RSBN1L: variants seen among roughly 807,000 people sequenced by gnomAD.
RSBN1L encodes the protein round spermatid basic protein 1 like, also known as lysine-specific demethylase RSBN1L.
RSBN1L carries 30 observed loss-of-function variants against 67.7 expected under a neutral mutation model. That is an observed-to-expected ratio of 0.44 (90% CI 0.33 to 0.60). The LOEUF is 0.60. Among genes scored for constraint, RSBN1L ranks in the 20% least tolerant of loss-of-function variants. The pLI, the probability that RSBN1L is intolerant of heterozygous loss-of-function variation, is 0.02. For missense variants in RSBN1L, 992 were observed against 1,031.7 expected, an observed-to-expected ratio of 0.96 and a Z score of 0.53; for synonymous variants, 433 against 387.0, an observed-to-expected ratio of 1.12 and a Z score of -1.39.
At chr7:77,751,603 A>T (rs571817228) in intron 3 of RSBN1L, among the ~76,000 whole-genome samples, 2 of 152,210 alleles carry the variant, frequency 1.3e-5, no homozygotes, top group Non-Finnish European at 2.9e-5. Context: ...CTGAGGTTAC[A>T]CCTGAATATA....
chr7:77,764,498 A>C (rs1791736953), intron 3 of RSBN1L, among the ~76,000 whole-genome samples: 1 of 152,184 alleles, frequency 6.6e-6, no homozygotes, highest in African/African-American at 2.4e-5. Context: ...TTTCTTCAGC[A>C]ATCTGCTGTA....
At chr7:77,769,018 A>C (rs946348909) in intron 5 of RSBN1L, among the ~76,000 whole-genome samples, 2 of 152,244 alleles carry the variant, frequency 1.3e-5, no homozygotes, top group African/African-American at 4.8e-5. Context: ...AATTGTAATG[A>C]TGGATGGAAA....
At chr7:77,757,208 A>C (rs868332253) in intron 3 of RSBN1L, among the ~76,000 whole-genome samples, 1 of 152,222 alleles carries the variant, frequency 6.6e-6, no homozygotes, top group African/African-American at 2.4e-5. Flanking sequence ...TCATTTTTAC[A>C]TCTGTTCAAC....
intron 1 of RSBN1L, among the ~76,000 whole-genome samples, chr7:77,708,316 T>C (rs1790922460): frequency 6.6e-6 from 1 of 151,936 alleles, no homozygotes; most frequent in Non-Finnish European, 1.5e-5. Flanking sequence ...TTGTACGGAA[T>C]TGGAAGTTAA....
At position 77,736,451 on chromosome 7, in the gene RSBN1L, GAA is replaced by G; in HGVS notation, c.630_631del (p.Glu212LysfsTer5). Reference protein sequence around the residue: ...DKIKERDKEKEREKKKHKVMN... With the variant: ...DKIKERDKEKXREKKKHKVMN... Reference sequence around the variant, plus strand: ...AATTAAAGAGAGAGACAAAGAAAAAGAAAGAGAAAAAAAGAAACATAAAGTAA... The same window carrying G: ...AATTAAAGAGAGAGACAAAGAAAAAGAGAGAAAAAAAGAAACATAAAGTAA... On this transcript the variant is annotated frameshift_variant, in exon 2 of 8. Transcript: ENST00000334955. LOFTEE classifies it high-confidence loss of function. 2 of 1,143,526 alleles carry G rather than the reference GAA, an allele frequency of 1.7e-6. No homozygotes were observed. The highest frequency in any genetic ancestry group is 2.5e-6 in the Non-Finnish European group (2 of 812,438). The allele number at this position is 1,143,526 out of a possible 1,614,324, so 70.8% of individuals were successfully genotyped here. A position where few individuals can be genotyped will look rare whatever the true frequency, so the allele number is the denominator to read the frequency against.
intron 1 of RSBN1L, among the ~76,000 whole-genome samples, chr7:77,717,990 G>C (rs1013746715): frequency 6.6e-6 from 1 of 152,246 alleles, no homozygotes; most frequent in Non-Finnish European, 1.5e-5. Flanking sequence ...CTGCACTCCA[G>C]TCGGGGCGAC....
At chr7:77,733,661 G>A (rs1208989190) in intron 1 of RSBN1L, among the ~76,000 whole-genome samples, 2 of 151,764 alleles carry the variant, frequency 1.3e-5, no homozygotes, top group Non-Finnish European at 2.9e-5. Context: ...AATAATTTGG[G>A]TTATCTTTCA....
chr7:77,702,013 G>A (rs118169586), intron 1 of RSBN1L, among the ~76,000 whole-genome samples: 1,873 of 151,290 alleles, frequency 0.012, 16 homozygotes, highest in Middle Eastern at 0.035. Flanking sequence ...CTGTCGCCCA[G>A]GCTGGAGTGC....
intron 3 of RSBN1L, among the ~76,000 whole-genome samples, chr7:77,760,430 AT>A (rs1301225904): frequency 6.6e-6 from 1 of 151,948 alleles, no homozygotes; most frequent in East Asian, 1.9e-4. Flanking sequence ...GGGGGAGGAG[AT>A]TTAGATTAAA....
At chr7:77,720,094 C>T (rs1469435588) in intron 1 of RSBN1L, among the ~76,000 whole-genome samples, 1 of 152,104 alleles carries the variant, frequency 6.6e-6, no homozygotes, top group East Asian at 1.9e-4. Context: ...TCCTCTTACT[C>T]TTTGTGTGTT....
At chr7:77,774,456 C>T (rs946884084) in intron 6 of RSBN1L, among the ~76,000 whole-genome samples, 17 of 151,974 alleles carry the variant, frequency 1.1e-4, no homozygotes, top group Admixed American at 6.6e-4. Context: ...GGGCCAGGTG[C>T]GGTGGCTCAC....
chr7:77,746,969 C>T (rs375658220), intron 2 of RSBN1L, among the ~76,000 whole-genome samples: 68 of 152,342 alleles, frequency 4.5e-4, no homozygotes, highest in African/African-American at 1.5e-3. Context: ...GTGTAGGGTT[C>T]AGCCCCTGTG....
chr7:77,777,882 T>C (rs187433894), intron 6 of RSBN1L, among the ~76,000 whole-genome samples: 105 of 152,260 alleles, frequency 6.9e-4, no homozygotes, highest in African/African-American at 2.3e-3. Context: ...TCTCTTAATT[T>C]ATAAAGTTAT....
In RSBN1L at chr7:77,717,431, T is replaced by C. The variant is rs11975536; in HGVS notation, c.587-18979T>C. ...ATTGGTAATTGGATATATAATGTTA[T>C]AACAGTGAGAAGCTATACAATTGTA... On this transcript the variant is annotated intron_variant, in intron 1 of 7. Transcript: ENST00000334955. Among the ~76,000 whole-genome samples the C allele has an allele frequency of 5.1e-3, 778 of 152,328 alleles. 3 individuals are homozygous for C. The highest frequency in any genetic ancestry group is 0.016 in the African/African-American group (682 of 41,580).
chr7:77,742,528 C>A (rs571644061), intron 2 of RSBN1L, among the ~76,000 whole-genome samples: 2 of 152,206 alleles, frequency 1.3e-5, no homozygotes, highest in East Asian at 3.9e-4. Flanking sequence ...AGAAGGAAAA[C>A]AAGTGTTCAG....
At chr7:77,721,649 G>T (rs1373471401) in intron 1 of RSBN1L, among the ~76,000 whole-genome samples, 12 of 152,168 alleles carry the variant, frequency 7.9e-5, no homozygotes, top group Non-Finnish European at 1.6e-4. Flanking sequence ...AAAAATATTG[G>T]AGTAAGACAT....
intron 3 of RSBN1L, among the ~76,000 whole-genome samples, chr7:77,752,895 G>T (rs1352619389): frequency 2.0e-5 from 3 of 152,148 alleles, no homozygotes. Context: ...AACTTAGGTG[G>T]AATCAGATAG....
chr7:77,759,923 T>C (rs537659149), intron 3 of RSBN1L, among the ~76,000 whole-genome samples: 1 of 152,236 alleles, frequency 6.6e-6, no homozygotes, highest in African/African-American at 2.4e-5. Flanking sequence ...ACAAGAAGGG[T>C]TTTCCAAACT....
intron 3 of RSBN1L, among the ~76,000 whole-genome samples, chr7:77,751,879 G>T (rs1584295996): frequency 6.6e-6 from 1 of 152,136 alleles, no homozygotes; most frequent in East Asian, 1.9e-4. Context: ...CCCATTCCCG[G>T]TTATTTCCAC....
Sources: allele counts gnomAD v4.1 joint callset (sites outside exome capture counted in the v4.1 genomes callset), GRCh38; gene constraint gnomAD v4.1.1; transcripts MANE v1.5; gene names NCBI Gene and HGNC (gene_info 2026-07-23, HGNC 2026-07-21).